ABCG2: variants seen among roughly 807,000 people sequenced by gnomAD.
ABCG2 encodes the protein broad substrate specificity ATP-binding cassette transporter ABCG2.
ABCG2 carries 80 observed loss-of-function variants against 73.5 expected under a neutral mutation model. The observed-to-expected ratio is 1.09, with a 90% confidence interval of 0.91 to 1.31. ABCG2 has a LOEUF of 1.31. Among genes scored for constraint, ABCG2 ranks in the 50% most tolerant of loss-of-function variants. The pLI is 0.00. For synonymous variants in ABCG2, 269 were observed against 282.4 expected (o/e 0.95, Z 0.48); for missense variants, 796 against 786.2 (o/e 1.01, Z -0.15).
chr4:88,197,066 TA>T (rs999410698), intron 1 of ABCG2, among the ~76,000 whole-genome samples: 8 of 151,370 alleles, frequency 5.3e-5, no homozygotes, highest in Admixed American at 4.6e-4. Context: ...ACAGGCTTAC[TA>T]AAAAAACCAA....
chr4:88,223,938 C>T (rs1730103463), intron 1 of ABCG2: 1 of 151,014 alleles, frequency 6.6e-6, no homozygotes, highest in African/African-American at 2.4e-5. Context: ...TATGGGTTGA[C>T]CTGTATTTCC....
chr4:88,095,067 T>C (rs1721899021), intron 14 of ABCG2, among the ~76,000 whole-genome samples: 1 of 152,230 alleles, frequency 6.6e-6, no homozygotes, highest in Non-Finnish European at 1.5e-5. Context: ...TCTTGGATGT[T>C]AGAAGCTTGG....
intron 1 of ABCG2, among the ~76,000 whole-genome samples, chr4:88,199,362 G>A (rs1034285040): frequency 7.2e-5 from 11 of 151,948 alleles, no homozygotes; most frequent in African/African-American, 2.7e-4. Flanking sequence ...AAGAATACCA[G>A]GAAGAATAAA....
At chr4:88,218,507 A>T (rs4693207) in intron 1 of ABCG2, among the ~76,000 whole-genome samples, 109,023 of 152,002 alleles carry the variant, frequency 0.72, 39,248 homozygotes, top group South Asian at 0.83. Context: ...ATGAGTAAGT[A>T]CTTTGGTGGT....
chr4:88,103,014 A>G (rs1722541675), intron 10 of ABCG2, among the ~76,000 whole-genome samples: 1 of 152,212 alleles, frequency 6.6e-6, no homozygotes, highest in African/African-American at 2.4e-5. Flanking sequence ...CCTGGCCTCA[A>G]GCAATCCTCC....
intron 1 of ABCG2, among the ~76,000 whole-genome samples, chr4:88,191,290 G>T (rs1341461188): frequency 6.7e-6 from 1 of 148,352 alleles, no homozygotes; most frequent in Admixed American, 6.7e-5. Flanking sequence ...AAAACAAAAA[G>T]GGCAAAAATT....
intron 1 of ABCG2, among the ~76,000 whole-genome samples, chr4:88,155,634 G>T (rs1399680858): frequency 6.6e-6 from 1 of 152,244 alleles, no homozygotes; most frequent in Non-Finnish European, 1.5e-5. Context: ...GCCGGGCACG[G>T]TGGCTCATGC....
intron 15 of ABCG2, 143 bp from the exon 16 acceptor site, chr4:88,092,524 T>C: frequency 1.2e-6 from 1 of 851,074 alleles, no homozygotes; most frequent in Non-Finnish European, 1.8e-6. Flanking sequence ...CTAACAGTCA[T>C]TGTGTGTTTA....
intron 5 of ABCG2, among the ~76,000 whole-genome samples, chr4:88,124,871 A>G (rs1402808908): frequency 6.6e-6 from 1 of 152,182 alleles, no homozygotes; most frequent in African/African-American, 2.4e-5. Context: ...TCAGCACCAC[A>G]CAGCACTTAT....
At chr4:88,171,528 CTAAT>C (rs1235790421) in intron 1 of ABCG2, among the ~76,000 whole-genome samples, 1 of 149,214 alleles carries the variant, frequency 6.7e-6, no homozygotes, top group Non-Finnish European at 1.5e-5. Context: ...TTCAAATTGG[CTAAT>C]TATTTGATTG....
intron 5 of ABCG2, among the ~76,000 whole-genome samples, chr4:88,122,825 T>C (rs1183781350): frequency 2.0e-5 from 3 of 152,180 alleles, no homozygotes; most frequent in East Asian, 1.9e-4. Context: ...AAGGGACAGA[T>C]TGCCTCCTCA....
intron 1 of ABCG2, among the ~76,000 whole-genome samples, chr4:88,152,722 C>T (rs1726594293): frequency 6.6e-6 from 1 of 151,946 alleles, no homozygotes; most frequent in South Asian, 2.1e-4. Context: ...GGCTCAGAGG[C>T]CTGACATTCC....
chr4:88,204,198 G>A (rs1157852702), intron 1 of ABCG2, among the ~76,000 whole-genome samples: 1 of 151,966 alleles, frequency 6.6e-6, no homozygotes, highest in Non-Finnish European at 1.5e-5. Flanking sequence ...GAGGCGGGCA[G>A]ATCACGGGGT....
At chr4:88,185,783 AATC>A (rs1428249061) in intron 1 of ABCG2, among the ~76,000 whole-genome samples, 1 of 152,222 alleles carries the variant, frequency 6.6e-6, no homozygotes, top group East Asian at 1.9e-4. Context: ...GAGAAATGCA[AATC>A]AAAACTATCA....
chr4:88,204,132 T>C (rs1299381826), intron 1 of ABCG2, among the ~76,000 whole-genome samples: 4 of 152,258 alleles, frequency 2.6e-5, no homozygotes, highest in East Asian at 1.9e-4. Context: ...CTGTAAAGAA[T>C]TCAAGCCGGC....
At chr4:88,135,258 A>T (rs570383117) in intron 2 of ABCG2, among the ~76,000 whole-genome samples, 74 of 152,146 alleles carry the variant, frequency 4.9e-4, no homozygotes, top group African/African-American at 1.8e-3. Flanking sequence ...CAGCATTTGC[A>T]TGCAGGTCAG....
intron 1 of ABCG2, among the ~76,000 whole-genome samples, chr4:88,164,777 G>A (rs1010956832): frequency 6.6e-6 from 1 of 152,014 alleles, no homozygotes; most frequent in Non-Finnish European, 1.5e-5. Flanking sequence ...ATTTTTTGTT[G>A]TTGTTGTTGT....
intron 1 of ABCG2, among the ~76,000 whole-genome samples, chr4:88,145,518 G>A (rs1192671437): frequency 6.6e-6 from 1 of 152,152 alleles, no homozygotes; most frequent in Non-Finnish European, 1.5e-5. Flanking sequence ...CAGTGATCTG[G>A]AGAACGCGGC....
At chr4:88,179,164 A>G (rs1728128288) in intron 1 of ABCG2, among the ~76,000 whole-genome samples, 1 of 152,026 alleles carries the variant, frequency 6.6e-6, no homozygotes, top group South Asian at 2.1e-4. Context: ...TGCTTGTGTT[A>G]CCCCTCTCCT....
Sources: allele counts gnomAD v4.1 joint callset (sites outside exome capture counted in the v4.1 genomes callset), GRCh38; gene constraint gnomAD v4.1.1; transcripts MANE v1.5; gene names NCBI Gene and HGNC (gene_info 2026-07-23, HGNC 2026-07-21).